CDC42SE2: variants seen among roughly 807,000 people sequenced by gnomAD.
CDC42SE2 encodes the protein CDC42 small effector 2, also known as CDC42 small effector protein 2.
In CDC42SE2, 3 loss-of-function variants were observed where a neutral mutation model predicts 11.5. The ratio of observed to expected loss-of-function variants is 0.26; its 90% confidence interval spans 0.12 to 0.67. The LOEUF is 0.67. Among genes scored for constraint, CDC42SE2 ranks in the 30% least tolerant of loss-of-function variants. The probability of loss-of-function intolerance (pLI) is 0.80; values close to 1 mark genes in which losing one functional copy is unlikely to be tolerated. For missense variants in CDC42SE2, 82 were observed against 106.8 expected (o/e 0.77, Z 1.02); for synonymous variants, 33 against 34.8 (o/e 0.95, Z 0.18).
At chr5:131,290,680 A>G (rs1757440205) in intron 1 of CDC42SE2, among the ~76,000 whole-genome samples, 1 of 151,708 alleles carries the variant, frequency 6.6e-6, no homozygotes, top group East Asian at 1.9e-4. Context: ...GGATTTGGCC[A>G]TGTTGCCCAG....
chr5:131,273,924 T>A (rs1292194646), intron 1 of CDC42SE2, among the ~76,000 whole-genome samples: 1 of 152,020 alleles, frequency 6.6e-6, no homozygotes, highest in Non-Finnish European at 1.5e-5. Context: ...ACCACAGGTA[T>A]GTGCCACCAC....
chr5:131,360,516 C>T (rs1315234511), intron 3 of CDC42SE2, among the ~76,000 whole-genome samples: 1 of 152,190 alleles, frequency 6.6e-6, no homozygotes, highest in Non-Finnish European at 1.5e-5. Flanking sequence ...TGTATTCCCA[C>T]AGCTCTTTAG....
At chr5:131,357,748 TTA>T (rs1350795470) in intron 2 of CDC42SE2, among the ~76,000 whole-genome samples, 1 of 152,182 alleles carries the variant, frequency 6.6e-6, no homozygotes, top group African/African-American at 2.4e-5. Context: ...TTTTTAAACT[TTA>T]TATCCATTTT....
intron 1 of CDC42SE2, among the ~76,000 whole-genome samples, chr5:131,293,513 A>G (rs1757506134): frequency 6.7e-6 from 1 of 149,812 alleles, no homozygotes; most frequent in Non-Finnish European, 1.5e-5. Flanking sequence ...CGGAGGTTGC[A>G]GTGAGTGGAG....
intron 1 of CDC42SE2, among the ~76,000 whole-genome samples, chr5:131,308,162 A>T (rs1410730190): frequency 2.6e-5 from 4 of 151,942 alleles, no homozygotes; most frequent in Non-Finnish European, 5.9e-5. Context: ...TTTCTACATA[A>T]GGCTAGCCAG....
intron 1 of CDC42SE2, among the ~76,000 whole-genome samples, chr5:131,315,260 G>C (rs1702553067): frequency 6.6e-6 from 1 of 152,114 alleles, no homozygotes; most frequent in Non-Finnish European, 1.5e-5. Context: ...AAACAGACCT[G>C]AGGTCACACA....
intron 3 of CDC42SE2, among the ~76,000 whole-genome samples, chr5:131,375,892 A>G (rs73251108): frequency 7.5e-4 from 114 of 152,214 alleles, no homozygotes; most frequent in African/African-American, 2.6e-3. Context: ...CACCCATGGG[A>G]AGGCTGAATT....
In CDC42SE2 at chr5:131,264,136, G is replaced by A. The variant is rs1187056681; in HGVS notation, c.-485G>A. ...GGAGCCGGCGCTGAGAGGGGCTGCG[G>A]CCGGAGCGGGCGGCTGAGACAAAGG... On this transcript the variant is annotated 5_prime_UTR_variant, in exon 1 of 5. Coordinates refer to ENST00000505065, the MANE Select transcript of CDC42SE2 (RefSeq NM_001375635.1). The A allele has an allele frequency of 6.6e-6, 1 of 152,334 alleles. No homozygotes were observed. Among genetic ancestry groups the A allele is most frequent in the Non-Finnish European group, 1.5e-5 (1 of 68,190 alleles). The allele number at this position is 152,334 out of a possible 1,614,324, so 9.4% of individuals were successfully genotyped here.
intron 1 of CDC42SE2, among the ~76,000 whole-genome samples, chr5:131,292,751 A>C (rs1282987480): frequency 6.6e-6 from 1 of 150,966 alleles, no homozygotes; most frequent in African/African-American, 2.4e-5. Flanking sequence ...AAAAATAATA[A>C]TAAAATAAAA....
At chr5:131,217,946 G>T in the CDC42SE2 span, among the ~76,000 whole-genome samples, 89 of 152,200 alleles carry the variant, frequency 5.8e-4, 1 homozygote, top group Admixed American at 4.5e-3. Context: ...AGGCCGAGGC[G>T]GGTGGATTGC....
intron 1 of CDC42SE2, among the ~76,000 whole-genome samples, chr5:131,294,240 C>T (rs1478602823): frequency 6.6e-6 from 1 of 152,108 alleles, no homozygotes. Context: ...ATCTGATATA[C>T]TCTGTGATCC....
chr5:131,293,538 C>T (rs968344707), intron 1 of CDC42SE2, among the ~76,000 whole-genome samples: 2 of 145,460 alleles, frequency 1.4e-5, no homozygotes, highest in Admixed American at 7.1e-5. Context: ...GGCCACTGCA[C>T]TCTAGCCTGG....
intron 2 of CDC42SE2, among the ~76,000 whole-genome samples, chr5:131,353,252 A>G (rs1749405367): frequency 6.6e-6 from 1 of 151,662 alleles, no homozygotes; most frequent in African/African-American, 2.4e-5. Flanking sequence ...ACAGGCGTGA[A>G]TCAACAAGCC....
At chr5:131,353,253 T>A (rs1749405475) in intron 2 of CDC42SE2, among the ~76,000 whole-genome samples, 1 of 151,848 alleles carries the variant, frequency 6.6e-6, no homozygotes, top group Non-Finnish European at 1.5e-5. Flanking sequence ...CAGGCGTGAA[T>A]CAACAAGCCT....
Position 131,391,099 on chromosome 5 carries a change from C to T in CDC42SE2, c.*8C>T, listed in dbSNP as rs752495463. The T allele has an allele frequency of 1.2e-6, 2 of 1,607,906 alleles. No individual in the cohort carries two copies. Among genetic ancestry groups the T allele is most frequent in the Non-Finnish European group, 1.7e-6 (2 of 1,175,362 alleles). ...GATACGAAGGCGGGATAGCCCTGGT[C>T]CTTTCTCCAGTGAGTACTCAGAGCT... On this transcript the variant is annotated 3_prime_UTR_variant, in exon 5 of 5. Coordinates refer to ENST00000505065, the MANE Select transcript of CDC42SE2 (RefSeq NM_001375635.1).
chr5:131,236,166 T>G, the CDC42SE2 span, among the ~76,000 whole-genome samples: 2 of 152,292 alleles, frequency 1.3e-5, no homozygotes, highest in African/African-American at 4.8e-5. Context: ...TAACTTTGCT[T>G]ATGGGTCTGT....
At chr5:131,299,368 T>A (rs1757634974) in intron 1 of CDC42SE2, among the ~76,000 whole-genome samples, 1 of 152,150 alleles carries the variant, frequency 6.6e-6, no homozygotes, top group African/African-American at 2.4e-5. Flanking sequence ...TGCCTAGAAC[T>A]CTACTGGTGA....
At chr5:131,286,981 T>C (rs1352629846) in intron 1 of CDC42SE2, among the ~76,000 whole-genome samples, 1 of 151,876 alleles carries the variant, frequency 6.6e-6, no homozygotes, top group Non-Finnish European at 1.5e-5. Context: ...TCAACTGTAT[T>C]TTATTTACTA....
At chr5:131,252,794 T>G in intron 1 of CDC42SE2, among the ~76,000 whole-genome samples, 1 of 152,196 alleles carries the variant, frequency 6.6e-6, no homozygotes, top group East Asian at 1.9e-4. Context: ...GCCTCTCATA[T>G]CTTCCTGATT....
Sources: gnomAD v4.1 joint callset for allele counts (sites outside exome capture counted in the v4.1 genomes callset) on GRCh38, gnomAD v4.1.1 for gene constraint, MANE v1.5 for transcripts, NCBI Gene and HGNC (gene_info 2026-07-23, HGNC 2026-07-21) for gene names.